DOCK2: variants seen among roughly 807,000 people sequenced by gnomAD.
The protein encoded by DOCK2 is dedicator of cytokinesis protein 2.
A neutral mutation model predicts 248.9 loss-of-function variants in DOCK2; 87 were observed. The ratio of observed to expected loss-of-function variants is 0.35; its 90% CI spans 0.29 to 0.42. The LOEUF is 0.42. DOCK2 is among the 10% of genes least tolerant of loss of function. DOCK2 has a pLI of 1.00. For missense variants in DOCK2, 1,747 were observed against 2,300.2 expected, an observed-to-expected ratio of 0.76 and a Z score of 4.92; for synonymous variants, 805 against 821.6, an observed-to-expected ratio of 0.98 and a Z score of 0.35.
chr5:169,983,305 A>G, intron 28 of DOCK2, 139 bp downstream of exon 28: 1 of 910,582 alleles, frequency 1.1e-6, no homozygotes, highest in Non-Finnish European at 1.7e-6. Flanking sequence ...AATCACAGAC[A>G]TTTTGGGGTT....
At chr5:170,015,587 G>GTTTC in intron 32 of DOCK2, among the ~76,000 whole-genome samples, 1 of 152,136 alleles carries the variant, frequency 6.6e-6, no homozygotes, top group African/African-American at 2.4e-5. Flanking sequence ...TTGTTTGTTT[G>GTTTC]TTTTTAATCA....
chr5:169,999,094 G>A (rs568588018), intron 30 of DOCK2, among the ~76,000 whole-genome samples: 1 of 152,280 alleles, frequency 6.6e-6, no homozygotes, highest in South Asian at 2.1e-4. Flanking sequence ...TATTTTCCAT[G>A]CTCTTAGATG....
intron 30 of DOCK2, chr5:169,998,036 T>C (rs1451139201): frequency 2.2e-6 from 1 of 456,198 alleles, no homozygotes; most frequent in Non-Finnish European, 4.4e-6. Flanking sequence ...TAAGGTCCCA[T>C]AAGTTTCTGT....
At chr5:169,883,163 T>C (rs1414268255) in intron 27 of DOCK2, 2 of 1,551,664 alleles carry the variant, frequency 1.3e-6, no homozygotes, top group South Asian at 2.4e-5. Flanking sequence ...GGAGTCACCC[T>C]TCTCCCATCA....
chr5:169,992,500 C>T (rs1434575984), intron 29 of DOCK2, among the ~76,000 whole-genome samples: 2 of 152,228 alleles, frequency 1.3e-5, no homozygotes, highest in African/African-American at 2.4e-5. Flanking sequence ...GAGTCTCGCT[C>T]TGTTGCCAGG....
intron 27 of DOCK2, among the ~76,000 whole-genome samples, chr5:169,936,129 G>C (rs1295787770): frequency 6.6e-6 from 1 of 152,170 alleles, no homozygotes; most frequent in African/African-American, 2.4e-5. Context: ...AAAACCACCT[G>C]TCTGCCCTTG....
At position 170,073,687 on chromosome 5, in the gene DOCK2, A is replaced by G. The variant is rs560621870; in HGVS notation, c.4729-2260A>G. On this transcript the variant is annotated intron_variant, in intron 46 of 51. Coordinates refer to ENST00000520908, the MANE Select transcript of DOCK2 (RefSeq NM_004946.3). ...TCTGCTCTTTGGTATTTGATATTTT[A>G]AATTCTATTGTAAATGGTATTGTTT... 5.3e-5 allele frequency among the ~76,000 whole-genome samples: 8 copies of G among 152,208 alleles called. No homozygotes were observed. In the East Asian group the frequency reaches 1.3e-3, roughly 26 times the overall value.
At chr5:169,899,659 C>T (rs1773808738) in intron 27 of DOCK2, among the ~76,000 whole-genome samples, 1 of 152,170 alleles carries the variant, frequency 6.6e-6, no homozygotes, top group Non-Finnish European at 1.5e-5. Context: ...TGGAAATAGA[C>T]CTCTCTACAT....
intron 33 of DOCK2, among the ~76,000 whole-genome samples, chr5:170,026,908 T>C (rs1423116337): frequency 6.6e-6 from 1 of 152,176 alleles, no homozygotes; most frequent in Non-Finnish European, 1.5e-5. Context: ...GTATTTTTCA[T>C]CATTTCTTTG....
intron 27 of DOCK2, among the ~76,000 whole-genome samples, chr5:169,894,268 C>T (rs1410546479): frequency 6.6e-6 from 1 of 152,194 alleles, no homozygotes; most frequent in Non-Finnish European, 1.5e-5. Flanking sequence ...ACCAAAAGGA[C>T]AGCAGAAATT....
intron 26 of DOCK2, among the ~76,000 whole-genome samples, chr5:169,813,416 G>A (rs1291475580): frequency 6.6e-6 from 1 of 152,154 alleles, no homozygotes; most frequent in Non-Finnish European, 1.5e-5. Context: ...GAAAGGGGGT[G>A]TTAATGCCAC....
chr5:169,899,546 T>C (rs987981147), intron 27 of DOCK2, among the ~76,000 whole-genome samples: 2 of 152,158 alleles, frequency 1.3e-5, no homozygotes, highest in African/African-American at 4.8e-5. Flanking sequence ...AGATCAATAA[T>C]GGAGAATATA....
At chr5:169,973,691 A>AG (rs1336841571) in intron 27 of DOCK2, among the ~76,000 whole-genome samples, 1 of 152,226 alleles carries the variant, frequency 6.6e-6, no homozygotes, top group Non-Finnish European at 1.5e-5. Flanking sequence ...TACCTCATAC[A>AG]GAACCCTTCT....
chr5:169,995,587 T>C (rs1343804256), intron 29 of DOCK2, among the ~76,000 whole-genome samples: 1 of 152,166 alleles, frequency 6.6e-6, no homozygotes, highest in African/African-American at 2.4e-5. Flanking sequence ...TATTGTTGAG[T>C]AAAAACGACA....
chr5:169,984,944 G>T (rs2113787281), intron 28 of DOCK2, among the ~76,000 whole-genome samples: 1 of 152,202 alleles, frequency 6.6e-6, no homozygotes, highest in Admixed American at 6.5e-5. Context: ...TTTTGAGACA[G>T]AATCTCGCTC....
intron 33 of DOCK2, among the ~76,000 whole-genome samples, chr5:170,024,095 T>C (rs901641340): frequency 2.0e-5 from 3 of 152,228 alleles, no homozygotes; most frequent in African/African-American, 7.2e-5. Context: ...CCTTTCTCGA[T>C]TAGAGCTTCT....
intron 22 of DOCK2, among the ~76,000 whole-genome samples, chr5:169,733,029 T>A (rs1243476380): frequency 6.6e-6 from 1 of 152,178 alleles, no homozygotes; most frequent in East Asian, 1.9e-4. Context: ...AAGTCAATAA[T>A]TATGTCTGTT....
intron 27 of DOCK2, among the ~76,000 whole-genome samples, chr5:169,842,353 C>CT (rs1177043375): frequency 6.6e-6 from 1 of 151,952 alleles, no homozygotes; most frequent in Admixed American, 6.6e-5. Context: ...TCACATTTTT[C>CT]TTTTTTGTTT....
chr5:169,986,066 C>G (rs1778061221), intron 29 of DOCK2, 144 bp downstream of exon 29: 1 of 695,576 alleles, frequency 1.4e-6, no homozygotes, highest in Non-Finnish European at 2.2e-6. Flanking sequence ...TCTTTAAACC[C>G]AGGGAAGGAC....
Sources: allele counts gnomAD v4.1 joint callset (sites outside exome capture counted in the v4.1 genomes callset), GRCh38; gene constraint gnomAD v4.1.1; transcripts MANE v1.5; gene names NCBI Gene and HGNC (gene_info 2026-07-23, HGNC 2026-07-21).